PARD3: variants seen among roughly 807,000 people sequenced by gnomAD.
The protein encoded by PARD3 is partitioning defective 3 homolog.
Under a neutral mutation model 155.4 loss-of-function variants are expected in PARD3, and 75 were observed. That is an observed-to-expected ratio of 0.48 (90% CI 0.40 to 0.58). PARD3 has a LOEUF of 0.58. PARD3 is among the 20% of genes least tolerant of loss of function. The pLI is 0.00. For missense variants in PARD3, 1,642 were observed against 1,721.7 expected, an observed-to-expected ratio of 0.95 and a Z score of 0.82; for synonymous variants, 576 against 610.5, an observed-to-expected ratio of 0.94 and a Z score of 0.83.
chr10:34,131,418 G>A (rs754417005), intron 23 of PARD3, 45 bp downstream of exon 23: 2 of 1,611,340 alleles, frequency 1.2e-6, no homozygotes, highest in Non-Finnish European at 1.7e-6. Flanking sequence ...TTTGCTGCAG[G>A]GAAGTTGTAG....
At chr10:34,750,877 C>T (rs965945523) in intron 1 of PARD3, among the ~76,000 whole-genome samples, 10 of 152,118 alleles carry the variant, frequency 6.6e-5, no homozygotes, top group Admixed American at 2.6e-4. Context: ...TTAGTAGAGA[C>T]GGGGTTTTGC....
intron 20 of PARD3, among the ~76,000 whole-genome samples, chr10:34,285,872 T>C (rs1564548764): frequency 6.6e-6 from 1 of 152,114 alleles, no homozygotes. Flanking sequence ...AAAAATTACA[T>C]ATATTATTAT....
chr10:34,348,095 G>T lies in PARD3; in HGVS notation c.2088C>A (p.Pro696=), dbSNP rs767562013. 4.5e-5 allele frequency: 73 copies of T among 1,609,708 alleles called. 1 individual carries two copies. The highest frequency in any genetic ancestry group is 5.9e-5 in the Non-Finnish European group (70 of 1,178,218). Residue 696 remains proline (P), a synonymous_variant, in exon 15 of 25, where the codon CCC becomes CCA. Transcript: ENST00000374788. The part of the protein sequence containing the change: ...KCNELKSPGS[P]PGPELPIETA... ...TTTCAATGGGCAGCTCAGGTCCAGGGGGGCTCCCAGGTGACTTCAGCTACA... is the reference window on the plus strand; with the variant it reads ...TTTCAATGGGCAGCTCAGGTCCAGGTGGGCTCCCAGGTGACTTCAGCTACA...
intron 7 of PARD3, among the ~76,000 whole-genome samples, chr10:34,394,243 C>A (rs1158053918): frequency 6.6e-6 from 1 of 152,162 alleles, no homozygotes; most frequent in Admixed American, 6.5e-5. Context: ...CCACGCTGGT[C>A]TCGCACTCCT....
intron 22 of PARD3, among the ~76,000 whole-genome samples, chr10:34,234,329 A>T (rs1052570297): frequency 1.3e-5 from 2 of 151,280 alleles, no homozygotes; most frequent in East Asian, 3.8e-4. Flanking sequence ...TATGCTCACA[A>T]TCTAAAGAAC....
At chr10:34,474,127 T>G (rs1200282776) in intron 3 of PARD3, among the ~76,000 whole-genome samples, 1 of 152,188 alleles carries the variant, frequency 6.6e-6, no homozygotes, top group Non-Finnish European at 1.5e-5. Flanking sequence ...ATTATACTAC[T>G]GCACTCCAGC....
chr10:34,500,460 G>A (rs923412892), intron 3 of PARD3, among the ~76,000 whole-genome samples: 3 of 152,132 alleles, frequency 2.0e-5, no homozygotes, highest in African/African-American at 7.2e-5. Context: ...GTCTAAAATA[G>A]GCCAGGCACG....
chr10:34,369,299 GATTTATTTATTTATTTGTTT>G lies in PARD3; in HGVS notation c.1707+3179_1707+3198del, dbSNP rs1423066557. Among the ~76,000 whole-genome samples, 749 of 134,824 alleles carry G rather than the reference GATTTATTTATTTATTTGTTT, an allele frequency of 5.6e-3. 4 individuals carry two copies. Among genetic ancestry groups the G allele is most frequent in the African/African-American group, 0.017 (474 of 28,694 alleles). The allele number at this position is 134,824 out of a possible 152,430, so 88.4% of individuals were successfully genotyped here. A position where few individuals can be genotyped will look rare whatever the true frequency, so the allele number is the denominator to read the frequency against. ...TCTGAAAACATTATGAGATTTTTGTGATTTATTTATTTATTTGTTTATTTATTTATTTATTTATTTATTTA... is the reference window on the plus strand; with the variant it reads ...TCTGAAAACATTATGAGATTTTTGTGATTTATTTATTTATTTATTTATTTA... On this transcript the variant is annotated intron_variant, in intron 12 of 24. Transcript: ENST00000374788.
chr10:34,784,542 C>T (rs973220317), intron 1 of PARD3, among the ~76,000 whole-genome samples: 2 of 151,934 alleles, frequency 1.3e-5, no homozygotes, highest in African/African-American at 4.8e-5. Flanking sequence ...CAGGTTCAAG[C>T]GATTCTCCTG....
At chr10:34,116,850 G>A (rs980778271) in intron 24 of PARD3, among the ~76,000 whole-genome samples, 5 of 152,198 alleles carry the variant, frequency 3.3e-5, no homozygotes, top group African/African-American at 9.6e-5. Context: ...TAGCGGTAGC[G>A]GCTGCAACCC....
At chr10:34,740,556 T>C (rs1040722472) in intron 1 of PARD3, among the ~76,000 whole-genome samples, 1 of 151,942 alleles carries the variant, frequency 6.6e-6, no homozygotes, top group African/African-American at 2.4e-5. Flanking sequence ...AGCTGAGCTG[T>C]TCTTCTGACT....
At chr10:34,619,270 G>A (rs749923364) in intron 2 of PARD3, among the ~76,000 whole-genome samples, 5 of 151,832 alleles carry the variant, frequency 3.3e-5, no homozygotes, top group South Asian at 2.1e-4. Context: ...GGCTGGTCTC[G>A]AACTGCTGAC....
intron 22 of PARD3, among the ~76,000 whole-genome samples, chr10:34,143,203 C>G (rs1003398344): frequency 6.6e-6 from 1 of 152,052 alleles, no homozygotes; most frequent in Non-Finnish European, 1.5e-5. Context: ...GCCTGTAGTT[C>G]CAGCTACTTG....
intron 1 of PARD3, among the ~76,000 whole-genome samples, chr10:34,814,010 T>A (rs374551112): frequency 6.6e-6 from 1 of 152,172 alleles, no homozygotes; most frequent in Non-Finnish European, 1.5e-5. Context: ...GACAATGTTA[T>A]CAGTCCACCA....
At chr10:34,373,824 T>G (rs1355790538) in intron 11 of PARD3, among the ~76,000 whole-genome samples, 1 of 151,850 alleles carries the variant, frequency 6.6e-6, no homozygotes, top group Non-Finnish European at 1.5e-5. Context: ...ATGACTAAAA[T>G]TTTTTCATTT....
chr10:34,157,915 C>T (rs1201427308), intron 22 of PARD3, among the ~76,000 whole-genome samples: 1 of 152,196 alleles, frequency 6.6e-6, no homozygotes, highest in Non-Finnish European at 1.5e-5. Flanking sequence ...TTGACCACAA[C>T]CTACAATAAA....
chr10:34,579,554 CTGTGTGTG>C lies in PARD3; in HGVS notation c.223-62403_223-62396del, dbSNP rs554959827. ...AAATAAATAAAAGCTACCATTTTCT[CTGTGTGTG>C]TGTGTGTGTGTGTGTGTGTGTGTGT... On this transcript the variant is annotated intron_variant, in intron 2 of 24. Transcript: ENST00000374788. 5.5e-3 allele frequency among the ~76,000 whole-genome samples: 671 copies of C among 122,558 alleles called. 4 individuals are homozygous for C. Among genetic ancestry groups the C allele is most frequent in the Non-Finnish European group, 8.4e-3 (462 of 55,030 alleles). 80.4% of individuals were successfully genotyped at this position (122,558 alleles called of 152,430 possible). A position where few individuals can be genotyped will look rare whatever the true frequency, so the allele number is the denominator to read the frequency against.
intron 6 of PARD3, among the ~76,000 whole-genome samples, chr10:34,400,585 A>G (rs982585903): frequency 6.6e-6 from 1 of 152,204 alleles, no homozygotes; most frequent in African/African-American, 2.4e-5. Context: ...ATCAATTATT[A>G]CCAATGAATT....
At chr10:34,632,020 G>A (rs1462312149) in intron 2 of PARD3, among the ~76,000 whole-genome samples, 6 of 152,164 alleles carry the variant, frequency 3.9e-5, no homozygotes, top group Non-Finnish European at 5.9e-5. Context: ...AGTGGCTCAC[G>A]CCTGTAATCC....
Sources: gnomAD v4.1 joint callset for allele counts (sites outside exome capture counted in the v4.1 genomes callset) on GRCh38, gnomAD v4.1.1 for gene constraint, MANE v1.5 for transcripts, NCBI Gene and HGNC (gene_info 2026-07-23, HGNC 2026-07-21) for gene names.